The following ST3GAL3 variants were observed in gnomAD, a reference collection of about 807,000 sequenced individuals.
ST3GAL3 encodes ST3 beta-galactoside alpha-2,3-sialyltransferase 3, also known as CMP-N-acetylneuraminate-beta-1,4-galactoside alpha-2,3-sialyltransferase.
ST3GAL3 carries 21 observed loss-of-function variants against 50.1 expected under a neutral mutation model. The observed-to-expected ratio is 0.42, with a 90% CI of 0.30 to 0.60. The LOEUF (loss-of-function observed/expected upper bound fraction) is 0.60, where lower values mean the gene tolerates loss of function less well. Among genes scored for constraint, ST3GAL3 ranks in the 20% least tolerant of loss-of-function variants. The pLI is 0.19. For missense variants in ST3GAL3, 353 were observed against 489.4 expected, an observed-to-expected ratio of 0.72 and a Z score of 2.63; for synonymous variants, 183 against 190.0, an observed-to-expected ratio of 0.96 and a Z score of 0.30.
At chr1:43,734,163 A>G (rs1677175178) in intron 1 of ST3GAL3, among the ~76,000 whole-genome samples, 1 of 151,726 alleles carries the variant, frequency 6.6e-6, no homozygotes, top group African/African-American at 2.4e-5. Flanking sequence ...CAGATATTTT[A>G]TGTTCTTTGG....
intron 2 of ST3GAL3, among the ~76,000 whole-genome samples, chr1:43,776,788 G>A (rs1697405994): frequency 2.0e-5 from 3 of 152,164 alleles, no homozygotes; most frequent in Admixed American, 1.3e-4. Flanking sequence ...ACATTTCTCA[G>A]TTGGGGCGCT....
intron 3 of ST3GAL3, among the ~76,000 whole-genome samples, chr1:43,800,630 T>G (rs751895605): frequency 6.6e-6 from 1 of 152,232 alleles, no homozygotes; most frequent in African/African-American, 2.4e-5. Flanking sequence ...GCCTACTTCA[T>G]GATTGGGGGA....
chr1:43,889,850 A>G (rs1237940975), intron 5 of ST3GAL3, among the ~76,000 whole-genome samples: 1 of 152,248 alleles, frequency 6.6e-6, no homozygotes. Flanking sequence ...TACAAATCTT[A>G]TAATCCTAAT....
chr1:43,813,907 A>ACG (rs1558418105), intron 3 of ST3GAL3, among the ~76,000 whole-genome samples: 2 of 75,926 alleles, frequency 2.6e-5, no homozygotes, highest in African/African-American at 1.4e-4. Context: ...ACACACGCAC[A>ACG]CACACACACA....
chr1:43,800,468 G>A (rs1409715320), intron 3 of ST3GAL3, among the ~76,000 whole-genome samples: 1 of 152,220 alleles, frequency 6.6e-6, no homozygotes, highest in Non-Finnish European at 1.5e-5. Context: ...TCACCCTGGG[G>A]CAGGAGATGG....
At chr1:43,810,552 T>C (rs1050977845) in intron 3 of ST3GAL3, among the ~76,000 whole-genome samples, 4 of 152,174 alleles carry the variant, frequency 2.6e-5, no homozygotes, top group Admixed American at 2.6e-4. Flanking sequence ...ATTATTCCTA[T>C]TGTTCGCAAG....
At chr1:43,735,806 G>T (rs1045358062) in intron 1 of ST3GAL3, among the ~76,000 whole-genome samples, 3 of 152,214 alleles carry the variant, frequency 2.0e-5, no homozygotes, top group Non-Finnish European at 4.4e-5. Context: ...CAGGGATATT[G>T]TCAGATTTTG....
At chr1:43,832,968 T>C (rs1170579357) in intron 4 of ST3GAL3, among the ~76,000 whole-genome samples, 1 of 152,236 alleles carries the variant, frequency 6.6e-6, no homozygotes, top group African/African-American at 2.4e-5. Context: ...TTGATTAAGC[T>C]GCTGGGTTGT....
intron 1 of ST3GAL3, among the ~76,000 whole-genome samples, chr1:43,713,587 A>G (rs542041342): frequency 9.4e-5 from 13 of 138,782 alleles, no homozygotes; most frequent in East Asian, 2.3e-4. Context: ...GTGCACTGGC[A>G]TGATATGATC....
At chr1:43,809,982 G>C (rs1200580910) in intron 3 of ST3GAL3, among the ~76,000 whole-genome samples, 1 of 129,718 alleles carries the variant, frequency 7.7e-6, no homozygotes, top group Non-Finnish European at 1.6e-5. Context: ...CACAGAGTGA[G>C]ACCCTGTCTC....
Position 43,930,278 on chromosome 1 carries a change from C to T in ST3GAL3, c.*57C>T. ...GCACCACCAGGAGCAGCAGCCAGCA[C>T]CACCTACACAGGAGTCTTCAGACCC... On this transcript the variant is annotated 3_prime_UTR_variant, in exon 12 of 12. Transcript: ENST00000347631. 6.5e-7 allele frequency: 1 copy of T among 1,528,054 alleles called. No homozygotes were observed. The highest frequency in any genetic ancestry group is 9.0e-7 in the Non-Finnish European group (1 of 1,105,828). 94.7% of individuals were successfully genotyped at this position (1,528,054 alleles called of 1,614,324 possible). A position where few individuals can be genotyped will look rare whatever the true frequency, so the allele number is the denominator to read the frequency against.
At chr1:43,710,793 T>C (rs1664349503) in intron 1 of ST3GAL3, among the ~76,000 whole-genome samples, 1 of 152,250 alleles carries the variant, frequency 6.6e-6, no homozygotes, top group Non-Finnish European at 1.5e-5. Context: ...GAAGCTTATC[T>C]GTACTTTTTC....
At chr1:43,840,569 T>C (rs2065209977) in intron 5 of ST3GAL3, 1 of 152,134 alleles carries the variant, frequency 6.6e-6, no homozygotes, top group Non-Finnish European at 1.5e-5. Flanking sequence ...GTACCTGATG[T>C]CTGTCACCCA....
At chr1:43,728,117 T>C (rs1354526407) in intron 1 of ST3GAL3, among the ~76,000 whole-genome samples, 1 of 152,132 alleles carries the variant, frequency 6.6e-6, no homozygotes, top group Non-Finnish European at 1.5e-5. Flanking sequence ...AGTAAGAACA[T>C]GTGGTATTTG....
At chr1:43,800,541 T>G (rs1247480870) in intron 3 of ST3GAL3, among the ~76,000 whole-genome samples, 1 of 152,212 alleles carries the variant, frequency 6.6e-6, no homozygotes, top group Non-Finnish European at 1.5e-5. Flanking sequence ...TCTGCTTTTC[T>G]TGTTTCCTCT....
chr1:43,817,610 C>CCCCT (rs879651200), intron 4 of ST3GAL3, among the ~76,000 whole-genome samples: 40 of 118,104 alleles, frequency 3.4e-4, no homozygotes, highest in East Asian at 8.4e-4. Flanking sequence ...TTCTCCTTCT[C>CCCCT]CTCCTTCTCC....
At chr1:43,875,758 T>C (rs2073935699) in intron 5 of ST3GAL3, among the ~76,000 whole-genome samples, 1 of 152,124 alleles carries the variant, frequency 6.6e-6, no homozygotes, top group African/African-American at 2.4e-5. Context: ...CCTTTATAAA[T>C]GACCCAGTCT....
At chr1:43,767,169 A>G (rs929955899) in intron 2 of ST3GAL3, among the ~76,000 whole-genome samples, 1 of 152,218 alleles carries the variant, frequency 6.6e-6, no homozygotes, top group Non-Finnish European at 1.5e-5. Flanking sequence ...GAGGAGTTTC[A>G]GGGACGGACA....
At chr1:43,809,075 T>G (rs1009746124) in intron 3 of ST3GAL3, among the ~76,000 whole-genome samples, 5 of 152,090 alleles carry the variant, frequency 3.3e-5, no homozygotes, top group Admixed American at 2.0e-4. Flanking sequence ...AAAATTCACA[T>G]GGTTGGCAGC....
Sources: gnomAD v4.1 joint callset for allele counts (sites outside exome capture counted in the v4.1 genomes callset) on GRCh38, gnomAD v4.1.1 for gene constraint, MANE v1.5 for transcripts, NCBI Gene and HGNC (gene_info 2026-07-23, HGNC 2026-07-21) for gene names.